The following FRK variants were observed in gnomAD, a reference collection of about 807,000 sequenced individuals.
FRK encodes tyrosine-protein kinase FRK.
FRK carries 51 observed loss-of-function variants against 56.4 expected under a neutral mutation model. The observed-to-expected ratio is 0.90, with a 90% CI of 0.72 to 1.14. The LOEUF is 1.14. FRK is among the 50% of genes most tolerant of loss of function. FRK has a pLI of 0.00. For synonymous variants in FRK, 245 were observed against 217.9 expected (o/e 1.12, Z -1.10); for missense variants, 570 against 601.4 (o/e 0.95, Z 0.55).
the FRK span, among the ~76,000 whole-genome samples, chr6:116,069,592 C>T: frequency 6.6e-6 from 1 of 152,100 alleles, no homozygotes; most frequent in African/African-American, 2.4e-5. Context: ...AACTAAAAAT[C>T]AATCTCACTT....
chr6:116,018,284 A>G (rs942299580), intron 1 of FRK, among the ~76,000 whole-genome samples: 1 of 152,210 alleles, frequency 6.6e-6, no homozygotes, highest in Admixed American at 6.6e-5. Context: ...CTGCTCAATT[A>G]AGGCCCATCT....
rs1310969852 is a variant in FRK at position 115,932,182 on chromosome 6, G to C, written c.*10232C>G. On this transcript the variant is annotated 3_prime_UTR_variant, in exon 8 of 8. Transcript: ENST00000606080. ...AAATTCAGGGTTTATATACTACTTTGTTCTCCAGTATATTTCTAAATTTCA... is the reference window on the plus strand; with the variant it reads ...AAATTCAGGGTTTATATACTACTTTCTTCTCCAGTATATTTCTAAATTTCA... The C allele has an allele frequency of 6.6e-6, 1 of 151,998 alleles. No individual in the cohort carries two copies. The highest frequency in any genetic ancestry group is 1.9e-4 in the East Asian group (1 of 5,190). The allele number at this position is 151,998 out of a possible 1,614,324, so 9.4% of individuals were successfully genotyped here.
chr6:116,073,382 T>C, the FRK span, among the ~76,000 whole-genome samples: 1 of 152,144 alleles, frequency 6.6e-6, no homozygotes, highest in African/African-American at 2.4e-5. Flanking sequence ...AGTGATGAGT[T>C]TCAGCAATTA....
rs543106452 is a variant in FRK at position 115,974,879 on chromosome 6, T to A, written c.467-6140A>T. ...ACTCGAGCTCCTCCTTTCTATCACA[T>A]AAACCTGTTTAATTGTGATACTATT... On this transcript the variant is annotated intron_variant, in intron 2 of 7. Coordinates refer to ENST00000606080, the MANE Select transcript of FRK (RefSeq NM_002031.3). 5.6e-4 allele frequency among the ~76,000 whole-genome samples: 86 copies of A among 152,290 alleles called. 1 individual carries two copies. The highest frequency in any genetic ancestry group is 1.1e-3 in the Non-Finnish European group (72 of 68,002).
chr6:116,063,782 A>G (rs376137048), upstream of FRK, among the ~76,000 whole-genome samples: 2 of 152,330 alleles, frequency 1.3e-5, no homozygotes, highest in Admixed American at 6.5e-5. Context: ...CAAATAACAT[A>G]TCATTTAATT....
chr6:116,076,414 A>T, the FRK span, among the ~76,000 whole-genome samples: 1 of 152,152 alleles, frequency 6.6e-6, no homozygotes, highest in Non-Finnish European at 1.5e-5. Flanking sequence ...AATTTCAACT[A>T]TTGAGTCATT....
At chr6:115,970,183 GA>G (rs1354628181) in intron 2 of FRK, among the ~76,000 whole-genome samples, 1 of 151,212 alleles carries the variant, frequency 6.6e-6, no homozygotes, top group Non-Finnish European at 1.5e-5. Context: ...AAGCTAAAAT[GA>G]AAAAAGTATT....
chr6:116,090,746 C>A, the FRK span, among the ~76,000 whole-genome samples: 567 of 152,192 alleles, frequency 3.7e-3, 3 homozygotes, highest in African/African-American at 0.013. Context: ...AAGCCCCACA[C>A]CCCCAAAAGA....
intron 1 of FRK, among the ~76,000 whole-genome samples, chr6:116,031,121 T>G (rs1776291184): frequency 6.6e-6 from 1 of 152,000 alleles, no homozygotes; most frequent in African/African-American, 2.4e-5. Context: ...AAATAAAAAG[T>G]GTAAGAAAGT....
intron 1 of FRK, among the ~76,000 whole-genome samples, chr6:116,048,775 G>T: frequency 6.6e-6 from 1 of 152,264 alleles, no homozygotes; most frequent in East Asian, 1.9e-4. Context: ...TACCAAATAA[G>T]AATATATGAA....
intron 1 of FRK, among the ~76,000 whole-genome samples, chr6:116,049,074 G>T (rs1014889340): frequency 5.9e-5 from 9 of 151,564 alleles, no homozygotes; most frequent in Non-Finnish European, 1.3e-4. Context: ...TCTATAACTA[G>T]CTTATCTCTT....
intron 4 of FRK, among the ~76,000 whole-genome samples, chr6:115,957,844 A>C (rs1439172069): frequency 6.6e-6 from 1 of 152,202 alleles, no homozygotes; most frequent in African/African-American, 2.4e-5. Context: ...CAGTTTCTTC[A>C]TCTGTAAAAC....
the FRK span, among the ~76,000 whole-genome samples, chr6:116,080,865 T>C: frequency 6.6e-6 from 1 of 152,214 alleles, no homozygotes; most frequent in Non-Finnish European, 1.5e-5. Context: ...CATTTTGATA[T>C]GGATGTGAGA....
At chr6:115,996,526 C>T (rs1349221622) in intron 2 of FRK, among the ~76,000 whole-genome samples, 1 of 152,068 alleles carries the variant, frequency 6.6e-6, no homozygotes, top group Non-Finnish European at 1.5e-5. Context: ...AAAAACTGAC[C>T]TGTCAAGGTG....
At chr6:116,005,874 C>T (rs1343090206) in intron 1 of FRK, among the ~76,000 whole-genome samples, 1 of 152,142 alleles carries the variant, frequency 6.6e-6, no homozygotes, top group African/African-American at 2.4e-5. Flanking sequence ...ATGCTACCTA[C>T]AGCATACACA....
intron 1 of FRK, among the ~76,000 whole-genome samples, chr6:116,041,234 T>C (rs1053288891): frequency 2.0e-4 from 30 of 152,268 alleles, no homozygotes; most frequent in African/African-American, 6.7e-4. Flanking sequence ...ATGCAAGGTA[T>C]TGAGTTGCTT....
chr6:116,017,005 GGC>G (rs755683544), intron 1 of FRK, among the ~76,000 whole-genome samples: 3 of 152,156 alleles, frequency 2.0e-5, no homozygotes, highest in Non-Finnish European at 2.9e-5. Flanking sequence ...ACAAAAGGAA[GGC>G]TCTGCCTGCA....
intron 1 of FRK, among the ~76,000 whole-genome samples, chr6:116,046,542 A>G (rs949957234): frequency 6.6e-6 from 1 of 152,150 alleles, no homozygotes; most frequent in Non-Finnish European, 1.5e-5. Flanking sequence ...CAGAAAACCA[A>G]ACACTGCATG....
chr6:116,054,573 GTTAT>G (rs1777319484), intron 1 of FRK, among the ~76,000 whole-genome samples: 1 of 144,796 alleles, frequency 6.9e-6, no homozygotes, highest in Non-Finnish European at 1.5e-5. Context: ...TAAATATAGT[GTTAT>G]TTATATATAT....
Sources: allele counts gnomAD v4.1 joint callset (sites outside exome capture counted in the v4.1 genomes callset), GRCh38; gene constraint gnomAD v4.1.1; transcripts MANE v1.5; gene names NCBI Gene and HGNC (gene_info 2026-07-23, HGNC 2026-07-21).